The following DAB2IP variants were observed in gnomAD, a reference collection of about 807,000 sequenced individuals.
The protein encoded by DAB2IP is DAB2 interacting protein, also known as disabled homolog 2-interacting protein.
A neutral mutation model predicts 107.2 loss-of-function variants in DAB2IP; 28 were observed. The observed-to-expected ratio is 0.26, with a 90% CI of 0.19 to 0.36. The LOEUF is 0.36. DAB2IP is among the 10% of genes least tolerant of loss of function. The probability of loss-of-function intolerance (pLI) is 1.00; values close to 1 mark genes in which losing one functional copy is unlikely to be tolerated. For missense variants in DAB2IP, 1,400 were observed against 1,644.7 expected, an observed-to-expected ratio of 0.85 and a Z score of 2.57; for synonymous variants, 755 against 706.4, an observed-to-expected ratio of 1.07 and a Z score of -1.09.
chr9:121,626,366 A>G (rs924798641), intron 1 of DAB2IP, among the ~76,000 whole-genome samples: 2 of 150,656 alleles, frequency 1.3e-5, no homozygotes, highest in African/African-American at 4.9e-5. Context: ...GGTAAAAATG[A>G]AGATGTGAGG....
intron 2 of DAB2IP, among the ~76,000 whole-genome samples, chr9:121,689,105 C>T (rs996047030): frequency 2.6e-5 from 4 of 152,120 alleles, no homozygotes; most frequent in South Asian, 4.2e-4. Flanking sequence ...CCAGCATGGT[C>T]AACATGGTGA....
chr9:121,744,986 C>T lies in DAB2IP; in HGVS notation c.363-12027C>T, dbSNP rs921136454. Among the ~76,000 whole-genome samples the T allele has an allele frequency of 2.6e-5, 4 of 152,194 alleles. No individual in the cohort carries two copies. The East Asian group carries it at 5.8e-4, about 22-fold the overall frequency. ...GCATGGCTGGGTTGGGACCTGGAAACGTAGCTTGGGAAGCTGGATTTTAAG... is the reference window on the plus strand; with the variant it reads ...GCATGGCTGGGTTGGGACCTGGAAATGTAGCTTGGGAAGCTGGATTTTAAG... On this transcript the variant is annotated intron_variant, in intron 3 of 15. Coordinates refer to ENST00000408936, the Ensembl canonical transcript of DAB2IP.
chr9:121,658,720 G>A (rs1219885516), intron 1 of DAB2IP, among the ~76,000 whole-genome samples: 2 of 152,230 alleles, frequency 1.3e-5, no homozygotes, highest in African/African-American at 2.4e-5. Context: ...TTGGTTCCTC[G>A]GTCTAGACAG....
chr9:121,662,998 A>G lies in DAB2IP; in HGVS notation c.124+11099A>G, dbSNP rs1833269713. Among the ~76,000 whole-genome samples the G allele has an allele frequency of 6.6e-6, 1 of 152,232 alleles. No homozygotes were observed. The stretch of plus-strand genomic sequence containing the variant: ...CTCAAATTACTAGAAATCCTCAGAA[A>G]GTAAAAAAGGAAAAAGAAACTCAGG... On this transcript the variant is annotated intron_variant, in intron 1 of 15. Transcript: ENST00000408936. The surrounding 1 kb of genome is among the most constrained non-coding windows in gnomAD (Gnocchi z 4.6).
At position 121,699,824 on chromosome 9, in the gene DAB2IP, A is replaced by G. The variant is rs371978796; in HGVS notation, c.362+366A>G. Among the ~76,000 whole-genome samples, 114 of 152,314 alleles carry G rather than the reference A, an allele frequency of 7.5e-4. 1 individual carries two copies. In the East Asian group the frequency reaches 0.021, roughly 28 times the overall value. ...GGACGGAAGTGGGGCCTCTGCCGCC[A>G]GGACCCATCCCCCTGCCTTGGGAGC... On this transcript the variant is annotated intron_variant, in intron 3 of 15. Transcript: ENST00000408936. This position sits in a 1 kb window ranked among gnomAD's most constrained non-coding sequence, Gnocchi z 6.2.
chr9:121,756,749 A>G (rs1423675563), intron 3 of DAB2IP, among the ~76,000 whole-genome samples: 1 of 152,226 alleles, frequency 6.6e-6, no homozygotes, highest in African/African-American at 2.4e-5. Flanking sequence ...ACTTGCAAAT[A>G]TTAACCCCGG....
Position 121,644,014 on chromosome 9 carries a change from A to C in DAB2IP, c.41-34664A>C, listed in dbSNP as rs142788913. Among the ~76,000 whole-genome samples, 75 of 152,272 alleles carry C rather than the reference A, an allele frequency of 4.9e-4. 2 individuals are homozygous for C. In the East Asian group the frequency reaches 0.013, roughly 25 times the overall value. ...AAGACTGTGTCTCTACCAAAAAGTT[A>C]AAAAATTAGCCAGGCATGGTGGCAC... On this transcript the variant is annotated intron_variant, in intron 1 of 16. Transcript: ENST00000259371.
exon 5 of DAB2IP, chr9:121,758,939 T>C: frequency 6.2e-7 from 1 of 1,613,826 alleles, no homozygotes; most frequent in Non-Finnish European, 8.5e-7. Flanking sequence ...CCTGCCGGTC[T>C]GCAGCTGAGC....
chr9:121,739,759 A>T (rs1832195174), intron 3 of DAB2IP, among the ~76,000 whole-genome samples: 1 of 152,166 alleles, frequency 6.6e-6, no homozygotes, highest in Non-Finnish European at 1.5e-5. Flanking sequence ...TCAGAGGAGG[A>T]TAGGGCTGGG....
At chr9:121,769,086 C>G (rs1834507784) in intron 10 of DAB2IP, among the ~76,000 whole-genome samples, 1 of 152,180 alleles carries the variant, frequency 6.6e-6, no homozygotes, top group Admixed American at 6.5e-5. Context: ...GCTGCAGTCA[C>G]CTGAAGTGAG....
chr9:121,671,499 C>A (rs1174799815), intron 1 of DAB2IP, among the ~76,000 whole-genome samples: 1 of 152,166 alleles, frequency 6.6e-6, no homozygotes, highest in Non-Finnish European at 1.5e-5. Context: ...GTGTGGACTT[C>A]TTTGGGGGAC....
At chr9:121,642,025 C>CTTTCTT (rs1274054146) in intron 1 of DAB2IP, among the ~76,000 whole-genome samples, 64 of 10,874 alleles carry the variant, frequency 5.9e-3, no homozygotes, top group African/African-American at 0.011. Context: ...CTCTCTCTCT[C>CTTTCTT]TCTCTCTTTC....
chr9:121,739,345 A>G (rs556949072), intron 3 of DAB2IP, among the ~76,000 whole-genome samples: 18 of 152,322 alleles, frequency 1.2e-4, no homozygotes, highest in African/African-American at 3.6e-4. Flanking sequence ...GTCAGAGAGT[A>G]GGTAGGTCAT....
At chr9:121,675,230 A>G (rs879734180) in intron 1 of DAB2IP, among the ~76,000 whole-genome samples, 9 of 152,102 alleles carry the variant, frequency 5.9e-5, no homozygotes, top group Admixed American at 2.0e-4. Flanking sequence ...AGCTCAAAGG[A>G]TGACAGTTCC....
chr9:121,640,360 AG>A (rs1182205592), intron 1 of DAB2IP, among the ~76,000 whole-genome samples: 1 of 129,568 alleles, frequency 7.7e-6, no homozygotes, highest in African/African-American at 4.8e-5. Flanking sequence ...AGCCTGTGTC[AG>A]GGGGGCGACA....
rs754883147 is a variant in DAB2IP, at chr9:121,684,197, G to A, written c.228+5416G>A. Among the ~76,000 whole-genome samples, 9 of 152,080 alleles carry A rather than the reference G, an allele frequency of 5.9e-5. No individual in the cohort carries two copies. The highest frequency in any genetic ancestry group is 9.7e-5 in the African/African-American group (4 of 41,390). On this transcript the variant is annotated intron_variant, in intron 2 of 15. Transcript: ENST00000408936. The surrounding 1 kb of genome is among the most constrained non-coding windows in gnomAD (Gnocchi z 4.0). Reference sequence around the variant, plus strand: ...ATGCAAGCTAGTGGGTGACCCTCCCGCCCATGTCACCATGGAAAGGCTGTT... The same window carrying A: ...ATGCAAGCTAGTGGGTGACCCTCCCACCCATGTCACCATGGAAAGGCTGTT...
chr9:121,776,320 G>A lies in DAB2IP; in HGVS notation c.3243G>A (p.Leu1081=), dbSNP rs1277096345. The change falls in exon 14 of 16, where the codon CTG becomes CTA. Residue 1081 remains leucine, a synonymous_variant. Coordinates refer to ENST00000408936, the Ensembl canonical transcript of DAB2IP. This position sits in a 1 kb window ranked among gnomAD's most constrained non-coding sequence, Gnocchi z 5.4. ...TGGTGCTGGAGTACCAGGCACGGCT[G>A]GAGGAGGGCGAGGAGCGGCTGCGGC... The A allele has an allele frequency of 2.6e-6, 4 of 1,563,680 alleles. No individual in the cohort carries two copies. Among genetic ancestry groups the A allele is most frequent in the Non-Finnish European group, 2.6e-6 (3 of 1,153,836 alleles).
intron 3 of DAB2IP, among the ~76,000 whole-genome samples, chr9:121,740,733 C>T (rs1832278223): frequency 6.6e-6 from 1 of 152,216 alleles, no homozygotes; most frequent in South Asian, 2.1e-4. Flanking sequence ...GTTTCAGTGT[C>T]TGTTGAATGA....
intron 14 of DAB2IP, among the ~76,000 whole-genome samples, chr9:121,778,575 T>G (rs1297391678): frequency 6.6e-6 from 1 of 152,228 alleles, no homozygotes; most frequent in East Asian, 1.9e-4. Context: ...TTTTTATGAT[T>G]CCATTTTCTC....
Sources: allele counts gnomAD v4.1 joint callset (sites outside exome capture counted in the v4.1 genomes callset), GRCh38; gene constraint gnomAD v4.1.1; non-coding constraint Gnocchi (gnomAD v3.1); transcripts MANE v1.5; gene names NCBI Gene and HGNC (gene_info 2026-07-23, HGNC 2026-07-21).